The following CAST variants were observed in gnomAD, a reference collection of about 807,000 sequenced individuals.
The protein encoded by CAST is MIR583 host.
A neutral mutation model predicts 119.6 loss-of-function variants in CAST; 76 were observed. That is an observed-to-expected ratio of 0.64 (90% confidence interval 0.53 to 0.77). CAST has a LOEUF of 0.77. CAST is among the 30% of genes least tolerant of loss of function. The pLI, the probability that CAST is intolerant of heterozygous loss-of-function variation, is 0.00. For synonymous variants in CAST, 319 were observed against 331.6 expected (o/e 0.96, Z 0.41); for missense variants, 953 against 946.5 (o/e 1.01, Z -0.09).
the CAST span, among the ~76,000 whole-genome samples, chr5:96,035,063 A>ATT: frequency 2.6e-5 from 2 of 76,546 alleles, no homozygotes; most frequent in African/African-American, 4.9e-5. Flanking sequence ...ATATATATAT[A>ATT]TTTAAGTATA....
At chr5:96,676,928 C>T (rs1337263170) in intron 2 of CAST, among the ~76,000 whole-genome samples, 1 of 151,582 alleles carries the variant, frequency 6.6e-6, no homozygotes, top group East Asian at 1.9e-4. Flanking sequence ...GTGGTGTGCA[C>T]CTGTAATCCC....
the CAST span, among the ~76,000 whole-genome samples, chr5:96,159,420 CT>C: frequency 3.3e-5 from 5 of 152,266 alleles, no homozygotes; most frequent in South Asian, 1.0e-3. Flanking sequence ...ATAAAAGTGA[CT>C]TTTTATAGGT....
chr5:95,978,678 T>C, the CAST span, among the ~76,000 whole-genome samples: 1 of 152,230 alleles, frequency 6.6e-6, no homozygotes, highest in Non-Finnish European at 1.5e-5. Flanking sequence ...TTTTTGCTTT[T>C]GTTGCAATTG....
the CAST span, among the ~76,000 whole-genome samples, chr5:96,343,365 G>A: frequency 2.6e-4 from 39 of 152,284 alleles, no homozygotes; most frequent in Admixed American, 7.9e-4. Flanking sequence ...ATAAAATGAT[G>A]TTAAATGTTT....
chr5:96,656,217 G>A (rs1748156613), intron 1 of CAST, among the ~76,000 whole-genome samples: 2 of 152,196 alleles, frequency 1.3e-5, no homozygotes, highest in Admixed American at 1.3e-4. Flanking sequence ...AAATTACTGA[G>A]AACTTTACTT....
intron 1 of CAST, among the ~76,000 whole-genome samples, chr5:96,654,598 T>G (rs1325539005): frequency 1.3e-5 from 2 of 152,208 alleles, no homozygotes; most frequent in Non-Finnish European, 2.9e-5. Context: ...AAATATCTTC[T>G]AGACATACAC....
chr5:96,170,114 T>C, the CAST span, among the ~76,000 whole-genome samples: 2 of 152,094 alleles, frequency 1.3e-5, no homozygotes, highest in Middle Eastern at 3.2e-3. Context: ...TCCGTGATGG[T>C]CTAGGGGGCT....
At chr5:96,453,785 A>G in the CAST span, among the ~76,000 whole-genome samples, 1 of 152,044 alleles carries the variant, frequency 6.6e-6, no homozygotes, top group African/African-American at 2.4e-5. Flanking sequence ...GGCATCAAGT[A>G]AAAATCTTAA....
chr5:96,422,117 A>C, the CAST span, among the ~76,000 whole-genome samples: 1 of 150,904 alleles, frequency 6.6e-6, no homozygotes, highest in Non-Finnish European at 1.5e-5. Flanking sequence ...CTGAATATTT[A>C]TTTTACTCAC....
chr5:96,306,240 TG>T, the CAST span, among the ~76,000 whole-genome samples: 1 of 152,132 alleles, frequency 6.6e-6, no homozygotes, highest in Non-Finnish European at 1.5e-5. Flanking sequence ...TGCATGGAGG[TG>T]TTTATAGTAT....
chr5:96,298,725 G>T, the CAST span, among the ~76,000 whole-genome samples: 2 of 152,096 alleles, frequency 1.3e-5, no homozygotes, highest in Non-Finnish European at 2.9e-5. Flanking sequence ...TCTGTATGTA[G>T]GCTTTTATAT....
intron 1 of CAST, among the ~76,000 whole-genome samples, chr5:96,608,246 G>T (rs1747296950): frequency 6.6e-6 from 1 of 152,098 alleles, no homozygotes; most frequent in South Asian, 2.1e-4. Flanking sequence ...AGTCCTCCAG[G>T]TTCATCAATG....
intron 3 of CAST, among the ~76,000 whole-genome samples, chr5:96,700,591 T>G (rs1561486349): frequency 1.3e-5 from 2 of 152,202 alleles, no homozygotes; most frequent in African/African-American, 4.8e-5. Flanking sequence ...GGCAACCACA[T>G]TTTGAGTAGC....
the CAST span, among the ~76,000 whole-genome samples, chr5:96,150,805 T>TG: frequency 5.9e-5 from 9 of 152,236 alleles, no homozygotes; most frequent in African/African-American, 1.9e-4. Flanking sequence ...AAAGCAGCTG[T>TG]GGGGGGCAGG....
At chr5:96,182,084 T>A in the CAST span, among the ~76,000 whole-genome samples, 1 of 152,358 alleles carries the variant, frequency 6.6e-6, no homozygotes, top group Non-Finnish European at 1.5e-5. Context: ...TTAGTATGTA[T>A]CTTTAACTTC....
chr5:96,248,089 A>G, the CAST span: 1 of 152,252 alleles, frequency 6.6e-6, no homozygotes, highest in African/African-American at 2.4e-5. Flanking sequence ...GCTTTTTGCT[A>G]TTAACACCAT....
chr5:96,523,326 G>A (rs1039784379), upstream of CAST, among the ~76,000 whole-genome samples: 5 of 152,208 alleles, frequency 3.3e-5, no homozygotes, highest in Admixed American at 2.6e-4. Flanking sequence ...TGTGGAAGGT[G>A]TTCCCAATCT....
intron 8 of CAST, 46 bp from the exon 9 acceptor site, chr5:96,730,734 T>C (rs746861667): frequency 7.4e-7 from 1 of 1,347,988 alleles, no homozygotes; most frequent in Admixed American, 1.7e-5. Context: ...ATAATAGCCA[T>C]GCAGAGATAC....
chr5:96,102,517 G>A, the CAST span, among the ~76,000 whole-genome samples: 1 of 152,136 alleles, frequency 6.6e-6, no homozygotes, highest in South Asian at 2.1e-4. Flanking sequence ...TCAGGAGAGA[G>A]CAGGCAAATA....
Sources: allele counts gnomAD v4.1 joint callset (sites outside exome capture counted in the v4.1 genomes callset), GRCh38; gene constraint gnomAD v4.1.1; transcripts MANE v1.5; gene names NCBI Gene and HGNC (gene_info 2026-07-23, HGNC 2026-07-21).